Variants in QTGAL observed in about 807,000 individuals in gnomAD.
QTGAL encodes BGnT-like protein 1.
the QTGAL span, among the ~76,000 whole-genome samples, chr17:82,990,151 T>G: frequency 6.6e-6 from 1 of 152,258 alleles, no homozygotes; most frequent in African/African-American, 2.4e-5. Context: ...TCTGGGTACG[T>G]GGATATGCAT....
the QTGAL span, among the ~76,000 whole-genome samples, chr17:82,969,540 G>A: frequency 6.6e-6 from 1 of 151,982 alleles, no homozygotes; most frequent in Non-Finnish European, 1.5e-5. Context: ...GCGTGGTGGT[G>A]CACGCGCCAG....
the QTGAL span, among the ~76,000 whole-genome samples, chr17:82,962,798 T>A: frequency 6.6e-6 from 1 of 152,312 alleles, no homozygotes; most frequent in Non-Finnish European, 1.5e-5. Context: ...AGCCCGACCC[T>A]TGGGGTTTTC....
chr17:82,982,549 T>C, the QTGAL span, among the ~76,000 whole-genome samples: 4 of 152,118 alleles, frequency 2.6e-5, no homozygotes, highest in Admixed American at 1.3e-4. Context: ...GCCTTGTCCC[T>C]CCCACCACGT....
At chr17:83,044,219 T>C in the QTGAL span, among the ~76,000 whole-genome samples, 22 of 152,218 alleles carry the variant, frequency 1.4e-4, no homozygotes, top group Admixed American at 1.2e-3. Context: ...TACAAATATA[T>C]ATATGCAAAA....
At chr17:82,942,344 A>C in the QTGAL span, 57 of 1,527,402 alleles carry the variant, frequency 3.7e-5, no homozygotes, top group Non-Finnish European at 4.8e-5. Context: ...TTCCTGCAGG[A>C]ACCGTGTCAG....
chr17:83,051,458 G>C, the QTGAL span, among the ~76,000 whole-genome samples: 1 of 152,172 alleles, frequency 6.6e-6, no homozygotes, highest in East Asian at 1.9e-4. Flanking sequence ...GAACGAGGAA[G>C]GTCGGTGAGG....
the QTGAL span, among the ~76,000 whole-genome samples, chr17:82,965,452 C>T: frequency 6.6e-6 from 1 of 152,218 alleles, no homozygotes; most frequent in South Asian, 2.1e-4. Flanking sequence ...ATGCAGAAAC[C>T]CCCTGCTTTC....
At chr17:82,957,524 C>T in the QTGAL span, 6 of 1,577,582 alleles carry the variant, frequency 3.8e-6, no homozygotes, top group African/African-American at 6.7e-5. Context: ...GATAGGCAGG[C>T]CGGAGGCCCC....
At chr17:83,002,679 C>T in the QTGAL span, among the ~76,000 whole-genome samples, 18 of 152,290 alleles carry the variant, frequency 1.2e-4, no homozygotes, top group African/African-American at 3.9e-4. Flanking sequence ...ATACCCGAGG[C>T]GGCACCGCGG....
chr17:83,033,501 C>T, the QTGAL span, among the ~76,000 whole-genome samples: 11 of 150,812 alleles, frequency 7.3e-5, no homozygotes, highest in Admixed American at 4.6e-4. Context: ...AGACAGAGTC[C>T]CGCTCTGTCG....
the QTGAL span, chr17:82,949,853 A>T: frequency 2.0e-5 from 3 of 152,216 alleles, no homozygotes; most frequent in Admixed American, 2.0e-4. Context: ...ATAGGGAAAT[A>T]ATAATGGATG....
At chr17:83,017,776 G>GT in the QTGAL span, among the ~76,000 whole-genome samples, 1 of 152,002 alleles carries the variant, frequency 6.6e-6, no homozygotes, top group African/African-American at 2.4e-5. Context: ...TGGTGCGCCT[G>GT]TATCAGGTAC....
the QTGAL span, among the ~76,000 whole-genome samples, chr17:82,971,079 A>G: frequency 4.6e-5 from 7 of 152,100 alleles, no homozygotes; most frequent in Non-Finnish European, 8.8e-5. Flanking sequence ...TCCGTGCACA[A>G]GGGGTCCCCT....
chr17:83,026,677 C>T, the QTGAL span, among the ~76,000 whole-genome samples: 1 of 22,254 alleles, frequency 4.5e-5, no homozygotes, highest in African/African-American at 1.5e-4. Flanking sequence ...CAGAGCAGGG[C>T]GGGGAGCCTG....
At chr17:82,957,847 A>G in the QTGAL span, among the ~76,000 whole-genome samples, 2 of 152,174 alleles carry the variant, frequency 1.3e-5, no homozygotes, top group Non-Finnish European at 2.9e-5. Flanking sequence ...ATAAGGACAC[A>G]TGCAACCATC....
the QTGAL span, among the ~76,000 whole-genome samples, chr17:83,029,000 G>A: frequency 2.2e-4 from 33 of 152,288 alleles, no homozygotes; most frequent in African/African-American, 7.0e-4. Flanking sequence ...GCGGTTTCAC[G>A]TACGCATGAA....
chr17:82,996,282 G>A, the QTGAL span, among the ~76,000 whole-genome samples: 20 of 152,156 alleles, frequency 1.3e-4, no homozygotes, highest in Non-Finnish European at 2.4e-4. Flanking sequence ...CCAGCACTTT[G>A]GGAGGCCAAG....
At chr17:83,023,065 A>C in the QTGAL span, among the ~76,000 whole-genome samples, 4 of 56,144 alleles carry the variant, frequency 7.1e-5, no homozygotes, top group South Asian at 7.9e-4. Flanking sequence ...AACTCACATT[A>C]GCTTAGCACT....
the QTGAL span, among the ~76,000 whole-genome samples, chr17:82,972,255 C>T: frequency 2.8e-3 from 92 of 32,984 alleles, 1 homozygote; most frequent in Middle Eastern, 0.042. Context: ...CAGAAGGACC[C>T]GGTACTGACC....
Sources: gnomAD v4.1 joint callset for allele counts (sites outside exome capture counted in the v4.1 genomes callset) on GRCh38, gnomAD v4.1.1 for gene constraint, MANE v1.5 for transcripts, NCBI Gene and HGNC (gene_info 2026-07-23, HGNC 2026-07-21) for gene names.